HDAC4: variants seen among roughly 807,000 people sequenced by gnomAD.
HDAC4 encodes the protein histone deacetylase A.
In HDAC4, 16 loss-of-function variants were observed where a neutral mutation model predicts 135.1. The observed-to-expected ratio is 0.12, with a 90% CI of 0.08 to 0.18. HDAC4 has a LOEUF of 0.18. Ranked by LOEUF, HDAC4 falls within the 10% of genes least tolerant of loss-of-function variation. HDAC4 has a pLI of 1.00. For synonymous variants in HDAC4, 685 were observed against 653.4 expected, an observed-to-expected ratio of 1.05 and a Z score of -0.74; for missense variants, 1,143 against 1,511.8, an observed-to-expected ratio of 0.76 and a Z score of 4.05.
In HDAC4 at chr2:239,390,078, C is replaced by T. The variant is rs113825771; in HGVS notation, c.-220+10900G>A. ...TCCCCAGGTAGGGCAAAGAAACAAG[C>T]CCCAGATGACACTGTGGAGGAGCTG... On this transcript the variant is annotated intron_variant, in intron 1 of 26. Coordinates refer to ENST00000543185, the MANE Select transcript of HDAC4 (RefSeq NM_001378414.1). 8.5e-4 allele frequency among the ~76,000 whole-genome samples: 129 copies of T among 152,292 alleles called. 1 individual carries two copies. The highest frequency in any genetic ancestry group is 2.9e-3 in the African/African-American group (122 of 41,562).
chr2:239,242,243 A>T (rs79356055), intron 2 of HDAC4, among the ~76,000 whole-genome samples: 17 of 23,868 alleles, frequency 7.1e-4, no homozygotes, highest in East Asian at 4.9e-3. Context: ...GGAGGGAGGG[A>T]GGGAGGGAGG....
At chr2:239,203,388 A>G (rs1376259535) in intron 3 of HDAC4, among the ~76,000 whole-genome samples, 1 of 152,250 alleles carries the variant, frequency 6.6e-6, no homozygotes, top group Non-Finnish European at 1.5e-5. Context: ...GCTCAGATTT[A>G]GAAAATTCCA....
Position 239,143,011 on chromosome 2 carries a change from T to C in HDAC4, c.865+1572A>G, listed in dbSNP as rs71426566. Among the ~76,000 whole-genome samples, 35 of 151,922 alleles carry C rather than the reference T, an allele frequency of 2.3e-4. 1 individual carries two copies. The highest frequency in any genetic ancestry group is 2.0e-4 in the Admixed American group (3 of 15,274). On this transcript the variant is annotated intron_variant, in intron 8 of 26. Coordinates refer to ENST00000543185, the MANE Select transcript of HDAC4 (RefSeq NM_001378414.1). The stretch of plus-strand genomic sequence containing the variant: ...CTGATCAGGCCCTGTCACACATGAC[T>C]CCTGGGTGAGCTCAGCACTGATCAC...
At position 239,299,319 on chromosome 2, in the gene HDAC4, G is replaced by T. The variant is rs2052107299; in HGVS notation, c.22+53359C>A. On this transcript the variant is annotated intron_variant, in intron 2 of 26. Coordinates refer to ENST00000543185, the MANE Select transcript of HDAC4 (RefSeq NM_001378414.1). This position sits in a 1 kb window ranked among gnomAD's most constrained non-coding sequence, Gnocchi z 4.0. ...CCTGTACAATAGGTTTATTTGTTTT[G>T]TTTCAAATGCCAAGTAGAGATATTT... is the stretch of plus-strand genomic sequence containing the variant. 6.6e-6 allele frequency among the ~76,000 whole-genome samples: 1 copy of T among 152,136 alleles called. No homozygotes were observed. Among genetic ancestry groups the T allele is most frequent in the African/African-American group, 2.4e-5 (1 of 41,416 alleles).
At chr2:239,382,993 G>A (rs1695524808) in intron 1 of HDAC4, among the ~76,000 whole-genome samples, 1 of 152,140 alleles carries the variant, frequency 6.6e-6, no homozygotes, top group South Asian at 2.1e-4. Context: ...GCCTCCCAAA[G>A]TACTGGGATT....
intron 2 of HDAC4, among the ~76,000 whole-genome samples, chr2:239,296,207 GCACA>G (rs138368204): frequency 6.6e-6 from 1 of 152,058 alleles, no homozygotes; most frequent in African/African-American, 2.4e-5. Flanking sequence ...CACTCTCAAA[GCACA>G]CACACACACG....
intron 2 of HDAC4, among the ~76,000 whole-genome samples, chr2:239,346,391 A>G (rs1389448588): frequency 6.6e-6 from 1 of 150,506 alleles, no homozygotes; most frequent in Non-Finnish European, 1.5e-5. Context: ...TAGAACACAC[A>G]CCCATACTTT....
At chr2:239,112,556 G>T (rs147439297) in intron 13 of HDAC4, among the ~76,000 whole-genome samples, 249 of 151,562 alleles carry the variant, frequency 1.6e-3, no homozygotes, top group Non-Finnish European at 3.0e-3. Flanking sequence ...CTCTGTGTGT[G>T]GGGGGGGCAC....
At chr2:239,085,043 C>CACAG (rs2035796780) in intron 19 of HDAC4, among the ~76,000 whole-genome samples, 1 of 81,450 alleles carries the variant, frequency 1.2e-5, no homozygotes, top group Admixed American at 1.1e-4. Context: ...GACAGACAGA[C>CACAG]ACACACACAC....
At chr2:239,079,757 C>G (rs934301316) in intron 22 of HDAC4, among the ~76,000 whole-genome samples, 6 of 152,034 alleles carry the variant, frequency 3.9e-5, no homozygotes, top group African/African-American at 1.4e-4. Context: ...CACACACACA[C>G]AGAGATATAC....
intron 20 of HDAC4, among the ~76,000 whole-genome samples, chr2:239,082,436 A>G (rs1387920057): frequency 1.3e-5 from 2 of 152,194 alleles, no homozygotes; most frequent in African/African-American, 4.8e-5. Context: ...CTAAGGGCCA[A>G]TGTTCGCGTC....
chr2:239,071,059 T>C (rs2034146058), intron 22 of HDAC4, among the ~76,000 whole-genome samples: 1 of 152,018 alleles, frequency 6.6e-6, no homozygotes, highest in Non-Finnish European at 1.5e-5. Flanking sequence ...TTCAAAGCTC[T>C]TGCAAAGGTT....
At chr2:239,224,815 A>G (rs1265178621) in intron 3 of HDAC4, among the ~76,000 whole-genome samples, 2 of 152,210 alleles carry the variant, frequency 1.3e-5, no homozygotes, top group Non-Finnish European at 2.9e-5. Context: ...CCAGTCCTTG[A>G]CTGCTCACTC....
chr2:239,064,115 C>G (rs1354182179), intron 24 of HDAC4, among the ~76,000 whole-genome samples: 3 of 152,162 alleles, frequency 2.0e-5, no homozygotes, highest in Admixed American at 6.5e-5. Context: ...GAGGAACACA[C>G]AGCTGACGCG....
At chr2:239,367,876 G>C (rs894544115) in intron 1 of HDAC4, among the ~76,000 whole-genome samples, 13 of 152,030 alleles carry the variant, frequency 8.6e-5, no homozygotes, top group African/African-American at 2.9e-4. Context: ...CGGGAGGGAG[G>C]CTGAGGCAGT....
intron 25 of HDAC4, 22 bp from the exon 26 acceptor site, chr2:239,053,623 A>G (rs1242208845): frequency 1.2e-6 from 2 of 1,611,510 alleles, no homozygotes; most frequent in South Asian, 1.1e-5. Flanking sequence ...GGGTGAGGAA[A>G]GTCGCTCAGT....
At chr2:239,131,292 A>G (rs948762244) in intron 11 of HDAC4, among the ~76,000 whole-genome samples, 3 of 152,130 alleles carry the variant, frequency 2.0e-5, no homozygotes, top group African/African-American at 7.2e-5. Flanking sequence ...GTTTCAAAGC[A>G]TTTGTGGCTG....
At chr2:239,155,734 C>CA (rs984556778) in intron 7 of HDAC4, among the ~76,000 whole-genome samples, 13 of 151,878 alleles carry the variant, frequency 8.6e-5, no homozygotes, top group Admixed American at 3.3e-4. Context: ...ATTTGTTTAG[C>CA]AAAAAAAAGC....
At chr2:239,343,179 T>G (rs1692401551) in intron 2 of HDAC4, among the ~76,000 whole-genome samples, 1 of 152,258 alleles carries the variant, frequency 6.6e-6, no homozygotes, top group Non-Finnish European at 1.5e-5. Flanking sequence ...GATTTTTGTC[T>G]TAATTTTAAT....
Sources: allele counts gnomAD v4.1 joint callset (sites outside exome capture counted in the v4.1 genomes callset), GRCh38; gene constraint gnomAD v4.1.1; non-coding constraint Gnocchi (gnomAD v3.1); transcripts MANE v1.5; gene names NCBI Gene and HGNC (gene_info 2026-07-23, HGNC 2026-07-21).